Variants in BUB1B observed in about 807,000 individuals in gnomAD.
The protein encoded by BUB1B is BUB1 mitotic checkpoint serine/threonine kinase B.
In BUB1B, 86 loss-of-function variants were observed where a neutral mutation model predicts 137.7. That is an observed-to-expected ratio of 0.62 (90% CI 0.52 to 0.75). The LOEUF is 0.75. BUB1B is among the 30% of genes least tolerant of loss of function. The pLI, the probability that BUB1B is intolerant of heterozygous loss-of-function variation, is 0.00. For synonymous variants in BUB1B, 420 were observed against 417.9 expected (o/e 1.00, Z -0.06); for missense variants, 1,130 against 1,236.9 (o/e 0.91, Z 1.30).
chr15:40,182,298 C>T (rs1046893764), intron 5 of BUB1B, among the ~76,000 whole-genome samples: 2 of 152,204 alleles, frequency 1.3e-5, no homozygotes, highest in African/African-American at 4.8e-5. Context: ...AAGTTGGTCA[C>T]ATTTTTCTAG....
At chr15:40,211,790 G>C (rs1248835113) in intron 18 of BUB1B, among the ~76,000 whole-genome samples, 1 of 151,892 alleles carries the variant, frequency 6.6e-6, no homozygotes, top group Admixed American at 6.6e-5. Flanking sequence ...TGGGAGCAGA[G>C]GAGGGAAGCT....
rs1311133664 is a variant in BUB1B, at chr15:40,218,543, CTT to C, written c.2939_2940del (p.Leu980GlnfsTer6). On this transcript the variant is annotated frameshift_variant, in exon 22 of 23. Coordinates refer to ENST00000287598, the MANE Select transcript of BUB1B (RefSeq NM_001211.6). LOFTEE classifies it high-confidence loss of function. The part of the protein sequence containing the change: ...QVFWDGSFWK[L>X]SQNISELKDG... ...CTTCTGGGATGGGTCCTTCTGGAAA[CTT>C]AGCCAAAATATTTCTGAGTAAGTAT... 6.2e-7 allele frequency: 1 copy of C among 1,612,032 alleles called. No homozygotes were observed. Among genetic ancestry groups the C allele is most frequent in the Non-Finnish European group, 8.5e-7 (1 of 1,178,226 alleles).
At chr15:40,169,609 CTTTTTTTTTTT>C (rs893767898) in intron 2 of BUB1B, among the ~76,000 whole-genome samples, 1 of 96,950 alleles carries the variant, frequency 1.0e-5, no homozygotes, top group Non-Finnish European at 2.1e-5. Context: ...TATTTCTATT[CTTTTTTTTTTT>C]TTTTTTTTTT....
rs1284286016 is a variant in BUB1B, at chr15:40,212,640, A to G, written c.2527A>G (p.Thr843Ala). ...TTGGCACCAATATATAAACTGCTTCACCCTTCAGGTCTGTAATACTAAAAA... is the reference window on the plus strand; with the variant it reads ...TTGGCACCAATATATAAACTGCTTCGCCCTTCAGGTCTGTAATACTAAAAA... Reference protein sequence around the residue: ...IVWHQYINCFTLQDLLQHSEY... With the variant: ...IVWHQYINCFALQDLLQHSEY... Residue 843 changes from threonine (T) to alanine (A), a missense_variant, in exon 19 of 23, where the codon ACC becomes GCC. Physicochemically the swap from Thr to Ala is moderately conservative, Grantham distance 58. Transcript: ENST00000287598. 6.2e-7 allele frequency: 1 copy of G among 1,613,230 alleles called. No homozygotes were observed. The highest frequency in any genetic ancestry group is 1.1e-5 in the South Asian group (1 of 91,052).
chr15:40,183,259 G>A (rs1314893794), intron 5 of BUB1B, among the ~76,000 whole-genome samples: 1 of 152,144 alleles, frequency 6.6e-6, no homozygotes, highest in Admixed American at 6.5e-5. Context: ...TATAGGTCAG[G>A]AGAAACCGTA....
At chr15:40,177,371 A>T (rs1489784526) in intron 5 of BUB1B, among the ~76,000 whole-genome samples, 1 of 152,110 alleles carries the variant, frequency 6.6e-6, no homozygotes, top group Non-Finnish European at 1.5e-5. Context: ...CACTTTTTAC[A>T]TTTAGATCCC....
intron 5 of BUB1B, among the ~76,000 whole-genome samples, chr15:40,182,001 T>A (rs1347118869): frequency 6.6e-6 from 1 of 152,234 alleles, no homozygotes; most frequent in African/African-American, 2.4e-5. Flanking sequence ...GTCAGCAGTT[T>A]GAGACCAGCC....
rs113964425 is a variant in BUB1B at position 40,207,697 on chromosome 15, A to G, written c.2010-940A>G. Among the ~76,000 whole-genome samples the G allele has an allele frequency of 6.1e-3, 924 of 152,176 alleles. 7 individuals carry two copies. The highest frequency in any genetic ancestry group is 0.021 in the African/African-American group (884 of 41,532). On this transcript the variant is annotated intron_variant, in intron 15 of 22. Transcript: ENST00000287598. ...TGGACATGGCTTATTCACCAGGTTT[A>G]GAGGAGGTTACCTAGATTCTGATTT...
intron 9 of BUB1B, among the ~76,000 whole-genome samples, chr15:40,198,242 T>G (rs2412481): frequency 2.2e-4 from 34 of 151,432 alleles, no homozygotes; most frequent in African/African-American, 8.2e-4. Flanking sequence ...CTATTGTGTT[T>G]TTTTTTTTTT....
intron 4 of BUB1B, 143 bp downstream of exon 4, chr15:40,170,824 C>T: frequency 2.4e-6 from 2 of 822,488 alleles, no homozygotes; most frequent in Non-Finnish European, 3.8e-6. Flanking sequence ...ATATGCAATA[C>T]TTCTTAAATT....
chr15:40,211,779 A>G (rs1442066983), intron 18 of BUB1B, among the ~76,000 whole-genome samples: 3 of 151,360 alleles, frequency 2.0e-5, no homozygotes, highest in South Asian at 2.1e-4. Context: ...GGGCTGGGCT[A>G]TGGGAGCAGA....
chr15:40,200,802 T>C, intron 11 of BUB1B, 129 bp from the exon 12 acceptor site: 1 of 762,834 alleles, frequency 1.3e-6, no homozygotes, highest in East Asian at 2.8e-5. Flanking sequence ...TAAGAGAATT[T>C]GAATTGACAG....
At chr15:40,195,138 C>A (rs777461650) in intron 8 of BUB1B, among the ~76,000 whole-genome samples, 5 of 151,876 alleles carry the variant, frequency 3.3e-5, no homozygotes, top group Non-Finnish European at 5.9e-5. Context: ...TTACTCCCCC[C>A]ATCCTTTCCC....
intron 5 of BUB1B, among the ~76,000 whole-genome samples, chr15:40,179,069 GC>G (rs1566818260): frequency 6.6e-6 from 1 of 151,842 alleles, no homozygotes; most frequent in Admixed American, 6.6e-5. Flanking sequence ...CTATGGATTT[GC>G]TTATTCTGGA....
intron 1 of BUB1B, among the ~76,000 whole-genome samples, chr15:40,162,414 G>C (rs2037051893): frequency 6.6e-6 from 1 of 152,202 alleles, no homozygotes; most frequent in Non-Finnish European, 1.5e-5. Flanking sequence ...AATCTGACTT[G>C]GGTTTAAATG....
chr15:40,164,524 G>A (rs1241603538), intron 1 of BUB1B, among the ~76,000 whole-genome samples: 1 of 151,946 alleles, frequency 6.6e-6, no homozygotes, highest in South Asian at 2.1e-4. Flanking sequence ...TACCACATCC[G>A]GCACTAATTT....
chr15:40,215,706 T>C (rs2037770170), intron 20 of BUB1B, among the ~76,000 whole-genome samples: 1 of 152,054 alleles, frequency 6.6e-6, no homozygotes, highest in African/African-American at 2.4e-5. Context: ...GAGGCAGAGC[T>C]TGCAGTGAGC....
At chr15:40,220,150 A>G (rs984106997) in intron 22 of BUB1B, among the ~76,000 whole-genome samples, 4 of 152,228 alleles carry the variant, frequency 2.6e-5, no homozygotes, top group Non-Finnish European at 4.4e-5. Flanking sequence ...TAGTTTAGTC[A>G]AGCTTACGAT....
chr15:40,165,194 A>G lies in BUB1B; in HGVS notation c.177A>G (p.Lys59=). ...SACNNTLQQQ[K]RAFEYEIRFY... ...GTAACAATACTCTTCAGCAGCAGAA[A>G]CGGTGTGTAGAATGGCTGAGTCTCA... Residue 59 remains lysine, a splice_region_variant and synonymous_variant, in exon 2 of 23, where the codon AAA becomes AAG. Coordinates refer to ENST00000287598, the MANE Select transcript of BUB1B (RefSeq NM_001211.6). The G allele has an allele frequency of 6.2e-7, 1 of 1,614,198 alleles. No homozygotes were observed. Among genetic ancestry groups the G allele is most frequent in the Non-Finnish European group, 8.5e-7 (1 of 1,180,026 alleles).
Sources: gnomAD v4.1 joint callset for allele counts (sites outside exome capture counted in the v4.1 genomes callset) on GRCh38, gnomAD v4.1.1 for gene constraint, MANE v1.5 for transcripts, NCBI Gene and HGNC (gene_info 2026-07-23, HGNC 2026-07-21) for gene names.